Variants in ABCG2 observed in about 807,000 individuals in gnomAD.
The protein encoded by ABCG2 is broad substrate specificity ATP-binding cassette transporter ABCG2.
A neutral mutation model predicts 73.5 loss-of-function variants in ABCG2; 80 were observed. The ratio of observed to expected loss-of-function variants is 1.09; its 90% CI spans 0.91 to 1.31. The LOEUF (loss-of-function observed/expected upper bound fraction) is 1.31. Among genes scored for constraint, ABCG2 ranks in the 50% most tolerant of loss-of-function variants. ABCG2 has a pLI of 0.00. For missense variants in ABCG2, 796 were observed against 786.2 expected (o/e 1.01, Z -0.15); for synonymous variants, 269 against 282.4 (o/e 0.95, Z 0.48).
intron 1 of ABCG2, among the ~76,000 whole-genome samples, chr4:88,201,078 C>G (rs1224469556): frequency 6.7e-6 from 1 of 150,234 alleles, no homozygotes; most frequent in Non-Finnish European, 1.5e-5. Context: ...ACAAATTAAG[C>G]AGAAGAAAAG....
chr4:88,142,918 A>AG (rs1725739794), intron 1 of ABCG2, among the ~76,000 whole-genome samples: 1 of 152,222 alleles, frequency 6.6e-6, no homozygotes, highest in Admixed American at 6.5e-5. Flanking sequence ...ACTGCACTCT[A>AG]GCCTGGGTAA....
In ABCG2 at chr4:88,098,993, G is replaced by C. The variant is rs1471328944; in HGVS notation, c.1492+331C>G. Reference sequence around the variant, plus strand: ...GTGCCGGTAGTCCTAGCTACCCAGAGGCTGAGGTAGGAGGATCACTGGAGC... The same window carrying C: ...GTGCCGGTAGTCCTAGCTACCCAGACGCTGAGGTAGGAGGATCACTGGAGC... On this transcript the variant is annotated intron_variant, in intron 12 of 15. Transcript: ENST00000237612. Among the ~76,000 whole-genome samples the C allele has an allele frequency of 2.0e-5, 3 of 152,092 alleles. No homozygotes were observed. The East Asian group carries it at 5.8e-4, about 29-fold the overall frequency.
chr4:88,112,886 A>C (rs537396481), intron 9 of ABCG2, among the ~76,000 whole-genome samples: 75 of 152,232 alleles, frequency 4.9e-4, no homozygotes, highest in African/African-American at 1.7e-3. Context: ...GAGGCAGGAG[A>C]ATCGCTTGAA....
At chr4:88,143,943 T>C (rs888999817) in intron 1 of ABCG2, among the ~76,000 whole-genome samples, 2 of 152,222 alleles carry the variant, frequency 1.3e-5, no homozygotes, top group Non-Finnish European at 2.9e-5. Flanking sequence ...ATGAATATAG[T>C]ATTCTGGGTT....
chr4:88,164,602 C>T (rs1047200831), intron 1 of ABCG2, among the ~76,000 whole-genome samples: 5 of 152,110 alleles, frequency 3.3e-5, no homozygotes, highest in Non-Finnish European at 7.3e-5. Flanking sequence ...CCTGAGGCCT[C>T]CCTAGCCAGG....
intron 1 of ABCG2, among the ~76,000 whole-genome samples, chr4:88,154,446 C>T (rs1481274435): frequency 4.6e-5 from 7 of 152,268 alleles, no homozygotes; most frequent in Non-Finnish European, 8.8e-5. Context: ...GGCTTGACTT[C>T]AGGCAATGAG....
chr4:88,159,386 C>T (rs1727184343), upstream of ABCG2: 2 of 355,690 alleles, frequency 5.6e-6, no homozygotes, highest in Admixed American at 7.4e-5. Flanking sequence ...CTAAAAAAAT[C>T]AGGCACTGAA....
chr4:88,221,485 T>C (rs1268726597), intron 1 of ABCG2, among the ~76,000 whole-genome samples: 2 of 152,156 alleles, frequency 1.3e-5, no homozygotes, highest in Non-Finnish European at 2.9e-5. Flanking sequence ...GTGGGAAAGT[T>C]TGGAATTTCC....
chr4:88,224,854 AT>A (rs1730145398), intron 1 of ABCG2, among the ~76,000 whole-genome samples: 1 of 152,070 alleles, frequency 6.6e-6, no homozygotes, highest in Non-Finnish European at 1.5e-5. Flanking sequence ...GTCTTTGATA[AT>A]TTTTGTATAG....
At chr4:88,201,910 C>T (rs1290343594) in intron 1 of ABCG2, 1 of 152,126 alleles carries the variant, frequency 6.6e-6, no homozygotes, top group African/African-American at 2.4e-5. Context: ...TTCATATGTA[C>T]ATTAAGTGTT....
intron 13 of ABCG2, among the ~76,000 whole-genome samples, chr4:88,096,288 A>G (rs1455460753): frequency 6.6e-6 from 1 of 152,216 alleles, no homozygotes; most frequent in Non-Finnish European, 1.5e-5. Context: ...TGCCACCACA[A>G]GCATACTGGT....
intron 1 of ABCG2, among the ~76,000 whole-genome samples, chr4:88,169,549 GAA>G (rs1727673997): frequency 6.6e-6 from 1 of 152,110 alleles, no homozygotes; most frequent in Non-Finnish European, 1.5e-5. Flanking sequence ...TGTTAGATTA[GAA>G]AAGAGTTCTA....
intron 5 of ABCG2, among the ~76,000 whole-genome samples, chr4:88,125,375 G>A (rs868835800): frequency 4.0e-5 from 6 of 151,374 alleles, no homozygotes; most frequent in South Asian, 2.1e-4. Context: ...TTGGGAGGCC[G>A]AGGCAGGCGG....
intron 1 of ABCG2, among the ~76,000 whole-genome samples, chr4:88,142,134 A>G (rs1393617754): frequency 1.3e-5 from 2 of 152,102 alleles, no homozygotes; most frequent in Non-Finnish European, 2.9e-5. Context: ...ATAAAAGAGC[A>G]TAACAAACAT....
At chr4:88,124,932 A>G (rs1445386579) in intron 5 of ABCG2, among the ~76,000 whole-genome samples, 2 of 152,214 alleles carry the variant, frequency 1.3e-5, no homozygotes, top group African/African-American at 4.8e-5. Flanking sequence ...TCACATGCAA[A>G]AGAACGGAAA....
chr4:88,137,062 A>AAATAAAATAAAATAAAATAC (rs1560703016), intron 2 of ABCG2, among the ~76,000 whole-genome samples: 1 of 149,936 alleles, frequency 6.7e-6, no homozygotes, highest in Non-Finnish European at 1.5e-5. Context: ...AAATAAAATA[A>AAATAAAATAAAATAAAATAC]GAATGAGGAG....
intron 1 of ABCG2, among the ~76,000 whole-genome samples, chr4:88,172,050 C>T (rs1490425431): frequency 6.6e-6 from 1 of 151,940 alleles, no homozygotes; most frequent in African/African-American, 2.4e-5. Flanking sequence ...AATCCCAGCA[C>T]TTGGGAGGCC....
chr4:88,189,300 G>A (rs755202578), intron 1 of ABCG2, among the ~76,000 whole-genome samples: 1 of 152,022 alleles, frequency 6.6e-6, no homozygotes, highest in Non-Finnish European at 1.5e-5. Context: ...AAGAAGGGAG[G>A]ATCAAGAGCT....
Position 88,141,798 on chromosome 4 carries a change from G to A in ABCG2, c.-19-1784C>T, listed in dbSNP as rs138231260. 2.3e-3 allele frequency among the ~76,000 whole-genome samples: 347 copies of A among 152,114 alleles called. 7 individuals carry two copies. The South Asian group carries it at 0.024, about 10-fold the overall frequency. On this transcript the variant is annotated intron_variant, in intron 1 of 15. Transcript: ENST00000237612. ...GCCAAAAAACAGAACCTGATGTTCCGGAAATGAGAAAATGGAAACAGACCC... is the reference window on the plus strand; with the variant it reads ...GCCAAAAAACAGAACCTGATGTTCCAGAAATGAGAAAATGGAAACAGACCC...
Sources: gnomAD v4.1 joint callset for allele counts (sites outside exome capture counted in the v4.1 genomes callset) on GRCh38, gnomAD v4.1.1 for gene constraint, MANE v1.5 for transcripts, NCBI Gene and HGNC (gene_info 2026-07-23, HGNC 2026-07-21) for gene names.